BMPR1B: variants seen among roughly 807,000 people sequenced by gnomAD.
BMPR1B encodes bone morphogenetic protein receptor type 1B, also known as bone morphogenetic protein receptor type-1B.
In BMPR1B, 12 loss-of-function variants were observed where a neutral mutation model predicts 59.1. The ratio of observed to expected loss-of-function variants is 0.20; its 90% CI spans 0.13 to 0.33. The LOEUF (loss-of-function observed/expected upper bound fraction) is 0.33, where lower values mean the gene tolerates loss of function less well. BMPR1B is among the 10% of genes least tolerant of loss of function. BMPR1B has a pLI of 1.00. For synonymous variants in BMPR1B, 237 were observed against 207.3 expected, an observed-to-expected ratio of 1.14 and a Z score of -1.23; for missense variants, 550 against 610.9, an observed-to-expected ratio of 0.90 and a Z score of 1.05.
intron 2 of BMPR1B, among the ~76,000 whole-genome samples, chr4:94,929,338 C>G (rs1218881428): frequency 1.3e-5 from 2 of 152,068 alleles, no homozygotes; most frequent in Non-Finnish European, 2.9e-5. Flanking sequence ...TATGCTAGAA[C>G]CACTCTCTGT....
At chr4:95,113,010 A>T (rs546588571) in intron 4 of BMPR1B, among the ~76,000 whole-genome samples, 8 of 152,190 alleles carry the variant, frequency 5.3e-5, no homozygotes, top group Admixed American at 4.6e-4. Context: ...TAATTTTTGA[A>T]TTTTGATTTA....
chr4:94,971,114 T>C (rs1730778957), intron 2 of BMPR1B, among the ~76,000 whole-genome samples: 1 of 152,186 alleles, frequency 6.6e-6, no homozygotes, highest in Non-Finnish European at 1.5e-5. Context: ...TTACTTATGT[T>C]TCAATGTTTT....
At chr4:94,948,891 G>T (rs1386638983) in intron 2 of BMPR1B, among the ~76,000 whole-genome samples, 1 of 152,192 alleles carries the variant, frequency 6.6e-6, no homozygotes, top group African/African-American at 2.4e-5. Context: ...GAGTGTGGGT[G>T]TTGCTTTCTA....
At chr4:94,933,242 C>G (rs1201835578) in intron 2 of BMPR1B, among the ~76,000 whole-genome samples, 1 of 151,850 alleles carries the variant, frequency 6.6e-6, no homozygotes, top group African/African-American at 2.4e-5. Flanking sequence ...ATTAACTGTT[C>G]CTTGAAAACA....
At chr4:95,033,039 G>T (rs879793719) in intron 3 of BMPR1B, among the ~76,000 whole-genome samples, 12 of 152,170 alleles carry the variant, frequency 7.9e-5, no homozygotes, top group Admixed American at 2.6e-4. Flanking sequence ...ATCTCATTGT[G>T]GTTTTGATTT....
At chr4:94,967,208 T>A (rs553364944) in intron 2 of BMPR1B, among the ~76,000 whole-genome samples, 2 of 152,178 alleles carry the variant, frequency 1.3e-5, no homozygotes, top group Non-Finnish European at 2.9e-5. Flanking sequence ...TGTAAACCTT[T>A]TGTGCACTCT....
In BMPR1B at chr4:94,962,631, C is replaced by G. The variant is rs1036039106; in HGVS notation, c.-112-33409C>G. Among the ~76,000 whole-genome samples, 3 of 152,090 alleles carry G rather than the reference C, an allele frequency of 2.0e-5. No homozygotes were observed. The South Asian group carries it at 6.2e-4, about 32-fold the overall frequency. ...TCACTTAACATAATGTCCTCCAGTT[C>G]CATCCATGTTATTGGAAATGACAGG... On this transcript the variant is annotated intron_variant, in intron 2 of 12. Transcript: ENST00000515059.
intron 6 of BMPR1B, among the ~76,000 whole-genome samples, chr4:95,121,851 C>T (rs1732554743): frequency 6.6e-6 from 1 of 152,070 alleles, no homozygotes; most frequent in African/African-American, 2.4e-5. Flanking sequence ...ATCTTATGAA[C>T]TAACACACCT....
At chr4:95,109,794 T>A (rs1034503941) in intron 4 of BMPR1B, among the ~76,000 whole-genome samples, 5 of 151,616 alleles carry the variant, frequency 3.3e-5, no homozygotes, top group African/African-American at 1.2e-4. Flanking sequence ...TGTGCCATGT[T>A]GGTGTGCTGC....
At chr4:94,952,115 AT>A (rs1560564585) in intron 2 of BMPR1B, among the ~76,000 whole-genome samples, 1 of 151,968 alleles carries the variant, frequency 6.6e-6, no homozygotes, top group African/African-American at 2.4e-5. Flanking sequence ...CCCCTTTATC[AT>A]TTTTTAATTG....
At chr4:94,902,040 C>T (rs1727828818) in intron 2 of BMPR1B, among the ~76,000 whole-genome samples, 1 of 126,456 alleles carries the variant, frequency 7.9e-6, no homozygotes, top group Non-Finnish European at 1.6e-5. Flanking sequence ...GCTCTGCAGA[C>T]TGCATGGTGT....
At chr4:95,065,874 C>T (rs1406441630) in intron 3 of BMPR1B, among the ~76,000 whole-genome samples, 3 of 151,914 alleles carry the variant, frequency 2.0e-5, no homozygotes, top group African/African-American at 7.3e-5. Context: ...AGAATTTTAC[C>T]GAAACAGTTT....
chr4:94,947,067 AC>A (rs1560561549), intron 2 of BMPR1B, among the ~76,000 whole-genome samples: 1 of 151,840 alleles, frequency 6.6e-6, no homozygotes, highest in Admixed American at 6.6e-5. Context: ...ATACAAACAA[AC>A]CCCCCAAAAA....
intron 3 of BMPR1B, among the ~76,000 whole-genome samples, chr4:95,026,097 C>CATTT (rs1331360037): frequency 1.3e-4 from 3 of 23,882 alleles, no homozygotes; most frequent in Admixed American, 4.6e-4. Context: ...TGCTTTCTTT[C>CATTT]ATTTCTTTCT....
At chr4:95,003,923 T>A (rs1722640716) in intron 3 of BMPR1B, among the ~76,000 whole-genome samples, 1 of 150,320 alleles carries the variant, frequency 6.7e-6, no homozygotes, top group South Asian at 2.1e-4. Flanking sequence ...TTCTTCTGCT[T>A]CAGCCTCATG....
In BMPR1B at chr4:94,795,388, T is replaced by C. The variant is rs148692706; in HGVS notation, c.-183+37320T>C. Among the ~76,000 whole-genome samples the C allele has an allele frequency of 1.8e-3, 270 of 152,178 alleles. 1 individual carries two copies. Among genetic ancestry groups the C allele is most frequent in the East Asian group, 0.015 (79 of 5,180 alleles). On this transcript the variant is annotated intron_variant, in intron 1 of 12. Coordinates refer to ENST00000515059, the MANE Select transcript of BMPR1B (RefSeq NM_001203.3). Reference sequence around the variant, plus strand: ...ATGAAGCCCACTTGATCATGGTGGATAAGCTTTTTGATGTGCTGCTGAATT... The same window carrying C: ...ATGAAGCCCACTTGATCATGGTGGACAAGCTTTTTGATGTGCTGCTGAATT...
intron 2 of BMPR1B, among the ~76,000 whole-genome samples, chr4:94,965,319 T>A (rs1199416290): frequency 6.6e-6 from 1 of 152,128 alleles, no homozygotes; most frequent in Non-Finnish European, 1.5e-5. Flanking sequence ...CATCTCATAT[T>A]TCTTGTGTAT....
At chr4:94,761,204 G>A (rs1039733358) in intron 1 of BMPR1B, among the ~76,000 whole-genome samples, 6 of 152,094 alleles carry the variant, frequency 3.9e-5, no homozygotes, top group African/African-American at 9.7e-5. Context: ...AATAAAAGCC[G>A]TGCATGAAAT....
intron 2 of BMPR1B, among the ~76,000 whole-genome samples, chr4:94,993,511 G>T (rs540367513): frequency 1.3e-5 from 2 of 152,042 alleles, no homozygotes; most frequent in South Asian, 4.2e-4. Context: ...TGTAATCCCA[G>T]CACTTTGGGA....
Sources: allele counts gnomAD v4.1 joint callset (sites outside exome capture counted in the v4.1 genomes callset), GRCh38; gene constraint gnomAD v4.1.1; transcripts MANE v1.5; gene names NCBI Gene and HGNC (gene_info 2026-07-23, HGNC 2026-07-21).